Variants in STXBP6 observed in about 807,000 individuals in gnomAD.
STXBP6 encodes syntaxin-binding protein 6.
Under a neutral mutation model 26.9 loss-of-function variants are expected in STXBP6, and 21 were observed. The ratio of observed to expected loss-of-function variants is 0.78; its 90% confidence interval spans 0.55 to 1.12. STXBP6 has a LOEUF of 1.12. Ranked by LOEUF, STXBP6 falls within the 50% of genes most tolerant of loss-of-function variation. The pLI is 0.00. For synonymous variants in STXBP6, 97 were observed against 92.6 expected (o/e 1.05, Z -0.27); for missense variants, 232 against 257.9 (o/e 0.90, Z 0.69).
intron 2 of STXBP6, among the ~76,000 whole-genome samples, chr14:24,959,893 A>C (rs1299352792): frequency 6.6e-6 from 1 of 152,226 alleles, no homozygotes; most frequent in Non-Finnish European, 1.5e-5. Flanking sequence ...GAAGCTTTAG[A>C]ACTAAACAAA....
At chr14:24,920,403 T>C (rs1382254136) in intron 2 of STXBP6, among the ~76,000 whole-genome samples, 5 of 152,210 alleles carry the variant, frequency 3.3e-5, no homozygotes, top group East Asian at 1.9e-4. Context: ...ATTTTTAACG[T>C]TTGATCAACA....
chr14:25,006,907 G>C (rs1469805850), intron 1 of STXBP6, among the ~76,000 whole-genome samples: 3 of 151,934 alleles, frequency 2.0e-5, no homozygotes, highest in Admixed American at 2.0e-4. Flanking sequence ...TCAGCAATAG[G>C]TAGAAACAAT....
At chr14:24,958,909 A>G (rs1189088436) in intron 2 of STXBP6, among the ~76,000 whole-genome samples, 1 of 152,316 alleles carries the variant, frequency 6.6e-6, no homozygotes, top group East Asian at 1.9e-4. Context: ...TTAAGTATCA[A>G]CAAAGAACAA....
chr14:24,941,835 A>C (rs2072814035), intron 2 of STXBP6, among the ~76,000 whole-genome samples: 1 of 152,214 alleles, frequency 6.6e-6, no homozygotes, highest in Non-Finnish European at 1.5e-5. Context: ...GTGTGAGAAA[A>C]TACCAGAGAC....
At chr14:24,921,776 T>G (rs1204099397) in intron 2 of STXBP6, among the ~76,000 whole-genome samples, 1 of 152,140 alleles carries the variant, frequency 6.6e-6, no homozygotes. Flanking sequence ...TATTTTAACC[T>G]ATGTTATTGA....
chr14:24,819,889 A>C (rs1222703004), intron 4 of STXBP6, among the ~76,000 whole-genome samples: 1 of 152,124 alleles, frequency 6.6e-6, no homozygotes, highest in South Asian at 2.1e-4. Flanking sequence ...TCAGGACCAT[A>C]CTTAACCAGC....
intron 1 of STXBP6, among the ~76,000 whole-genome samples, chr14:24,975,250 G>C (rs998383597): frequency 2.6e-5 from 4 of 152,132 alleles, no homozygotes; most frequent in Non-Finnish European, 5.9e-5. Flanking sequence ...ACAGTCCTTA[G>C]AGTCAAGAAA....
intron 2 of STXBP6, among the ~76,000 whole-genome samples, chr14:24,895,222 T>C (rs113152599): frequency 0.016 from 2,433 of 152,270 alleles, 70 homozygotes; most frequent in African/African-American, 0.056. Context: ...CACAAAAGTG[T>C]CCAGATTTTT....
intron 1 of STXBP6, among the ~76,000 whole-genome samples, chr14:25,018,353 G>C (rs956804334): frequency 6.6e-6 from 1 of 152,108 alleles, no homozygotes; most frequent in Non-Finnish European, 1.5e-5. Context: ...TGGTAAACTA[G>C]AGTTATCCCT....
intron 2 of STXBP6, among the ~76,000 whole-genome samples, chr14:24,895,963 T>C (rs2070976115): frequency 6.6e-6 from 1 of 152,176 alleles, no homozygotes. Context: ...TTACATTAAT[T>C]ATTGTGTTTG....
chr14:24,878,190 T>A (rs2070218050), intron 2 of STXBP6, among the ~76,000 whole-genome samples: 1 of 152,170 alleles, frequency 6.6e-6, no homozygotes, highest in African/African-American at 2.4e-5. Context: ...ATTTGCACCA[T>A]GACATTTTGG....
chr14:24,847,351 A>C (rs978287169), intron 4 of STXBP6, among the ~76,000 whole-genome samples: 13 of 152,146 alleles, frequency 8.5e-5, no homozygotes, highest in Non-Finnish European at 1.3e-4. Context: ...TAAGCTTTTC[A>C]TAAAGGTAAA....
intron 2 of STXBP6, among the ~76,000 whole-genome samples, chr14:24,911,781 G>C (rs1345104637): frequency 6.6e-6 from 1 of 152,162 alleles, no homozygotes; most frequent in Non-Finnish European, 1.5e-5. Flanking sequence ...ACATAGCTTA[G>C]AAAAACCAGA....
chr14:24,971,474 C>T (rs904711287), intron 2 of STXBP6, among the ~76,000 whole-genome samples: 2 of 152,198 alleles, frequency 1.3e-5, no homozygotes, highest in African/African-American at 2.4e-5. Flanking sequence ...GTTGAAGGGC[C>T]TGGCCTCCCA....
intron 1 of STXBP6, among the ~76,000 whole-genome samples, chr14:24,991,536 C>CT (rs1243273526): frequency 6.6e-6 from 1 of 152,138 alleles, no homozygotes. Flanking sequence ...ACACAGAGAA[C>CT]TTTCATTGCC....
chr14:24,891,895 T>G (rs2070800287), intron 2 of STXBP6, among the ~76,000 whole-genome samples: 1 of 152,222 alleles, frequency 6.6e-6, no homozygotes, highest in Non-Finnish European at 1.5e-5. Context: ...CTGGAATGAC[T>G]TTCCTGCTCT....
intron 1 of STXBP6, among the ~76,000 whole-genome samples, chr14:25,041,519 C>T (rs1414664162): frequency 6.6e-6 from 1 of 152,052 alleles, no homozygotes; most frequent in African/African-American, 2.4e-5. Context: ...ACTTCTTAAC[C>T]ACCAGTTACT....
At chr14:24,846,718 T>A (rs2068975436) in intron 4 of STXBP6, among the ~76,000 whole-genome samples, 1 of 152,194 alleles carries the variant, frequency 6.6e-6, no homozygotes, top group Non-Finnish European at 1.5e-5. Context: ...CCTGGGTAGG[T>A]ACACTGCAGG....
intron 2 of STXBP6, among the ~76,000 whole-genome samples, chr14:24,973,006 T>A (rs570881686): frequency 1.8e-4 from 28 of 152,046 alleles, no homozygotes; most frequent in Non-Finnish European, 3.5e-4. Flanking sequence ...CAGTCCCAGC[T>A]CTTGGGAGGC....
Sources: allele counts gnomAD v4.1 joint callset (sites outside exome capture counted in the v4.1 genomes callset), GRCh38; gene constraint gnomAD v4.1.1; transcripts MANE v1.5; gene names NCBI Gene and HGNC (gene_info 2026-07-23, HGNC 2026-07-21).